Variants in TGFBR2 observed in about 807,000 individuals in gnomAD.
TGFBR2 encodes the protein TGF-beta receptor type-2.
A neutral mutation model predicts 49.0 loss-of-function variants in TGFBR2; 18 were observed. That is an observed-to-expected ratio of 0.37 (90% CI 0.25 to 0.54). The LOEUF (loss-of-function observed/expected upper bound fraction) is 0.54. TGFBR2 is among the 20% of genes least tolerant of loss of function. The probability of loss-of-function intolerance (pLI) is 0.85; values close to 1 mark genes in which losing one functional copy is unlikely to be tolerated. For synonymous variants in TGFBR2, 282 were observed against 275.9 expected (o/e 1.02, Z -0.22); for missense variants, 525 against 722.6 (o/e 0.73, Z 3.13).
intron 1 of TGFBR2, among the ~76,000 whole-genome samples, chr3:30,616,781 T>TA (rs1017148509): frequency 7.2e-5 from 11 of 152,100 alleles, no homozygotes; most frequent in Admixed American, 4.6e-4. Flanking sequence ...TGACTACTAT[T>TA]AAAAAAAGAG....
At chr3:30,624,170 GAGA>G (rs1053205697) in intron 1 of TGFBR2, among the ~76,000 whole-genome samples, 81 of 151,988 alleles carry the variant, frequency 5.3e-4, no homozygotes, top group African/African-American at 1.9e-3. Flanking sequence ...ACAAAATATA[GAGA>G]AGAACAGAAC....
At chr3:30,677,669 A>T (rs1294928816) in intron 5 of TGFBR2, among the ~76,000 whole-genome samples, 1 of 152,206 alleles carries the variant, frequency 6.6e-6, no homozygotes, top group African/African-American at 2.4e-5. Context: ...TTTCTTTTAC[A>T]TTCAAAAGGT....
At chr3:30,677,696 G>A (rs1209406929) in intron 5 of TGFBR2, among the ~76,000 whole-genome samples, 6 of 152,282 alleles carry the variant, frequency 3.9e-5, no homozygotes, top group African/African-American at 1.2e-4. Context: ...GAAAGTACAC[G>A]AAGCCTGAAG....
At chr3:30,625,311 G>A (rs915005732) in intron 1 of TGFBR2, among the ~76,000 whole-genome samples, 14 of 152,292 alleles carry the variant, frequency 9.2e-5, no homozygotes, top group South Asian at 6.2e-4. Context: ...CGTCTGTTTA[G>A]CATTGCAATT....
intron 5 of TGFBR2, among the ~76,000 whole-genome samples, chr3:30,686,066 T>C (rs1339941664): frequency 6.6e-6 from 1 of 152,226 alleles, no homozygotes; most frequent in Non-Finnish European, 1.5e-5. Context: ...GTTCAGTATA[T>C]TCATTTTATA....
intron 1 of TGFBR2, 136 bp downstream of exon 1, chr3:30,607,113 C>G: frequency 1.4e-6 from 1 of 689,720 alleles, no homozygotes; most frequent in African/African-American, 1.8e-5. Flanking sequence ...CCGCGACACT[C>G]ACGCAGCCCG....
intron 2 of TGFBR2, among the ~76,000 whole-genome samples, chr3:30,649,652 A>G (rs1575146186): frequency 6.6e-6 from 1 of 151,800 alleles, no homozygotes; most frequent in African/African-American, 2.4e-5. Context: ...TCCTTTCTGT[A>G]ATTTGGGAAA....
At chr3:30,680,090 A>T (rs925967768) in intron 5 of TGFBR2, among the ~76,000 whole-genome samples, 1 of 152,228 alleles carries the variant, frequency 6.6e-6, no homozygotes, top group African/African-American at 2.4e-5. Context: ...GTGCCACTGC[A>T]CTCTAGCCTG....
intron 3 of TGFBR2, among the ~76,000 whole-genome samples, chr3:30,652,423 C>T (rs1453820181): frequency 4.0e-5 from 6 of 151,736 alleles, no homozygotes; most frequent in African/African-American, 1.5e-4. Flanking sequence ...TTAGTAGAGA[C>T]GAGTTTCACC....
At chr3:30,616,546 T>C (rs188155002) in intron 1 of TGFBR2, among the ~76,000 whole-genome samples, 1 of 152,352 alleles carries the variant, frequency 6.6e-6, no homozygotes, top group East Asian at 1.9e-4. Context: ...CCACTGGGGC[T>C]CATTTTCCTT....
intron 5 of TGFBR2, among the ~76,000 whole-genome samples, chr3:30,682,603 A>G (rs1475818492): frequency 6.6e-6 from 1 of 152,234 alleles, no homozygotes; most frequent in Non-Finnish European, 1.5e-5. Flanking sequence ...TCTATTGCCA[A>G]CTATGCCCCA....
At chr3:30,612,720 G>A (rs1322306103) in intron 1 of TGFBR2, among the ~76,000 whole-genome samples, 3 of 117,280 alleles carry the variant, frequency 2.6e-5, no homozygotes, top group Non-Finnish European at 5.6e-5. Context: ...AATTTTGAGT[G>A]TGTAGGACAA....
At chr3:30,636,953 G>A (rs1028693883) in intron 1 of TGFBR2, among the ~76,000 whole-genome samples, 12 of 151,682 alleles carry the variant, frequency 7.9e-5, no homozygotes, top group African/African-American at 2.7e-4. Flanking sequence ...AGTCCCAGCT[G>A]CTCGGGAGGC....
intron 5 of TGFBR2, among the ~76,000 whole-genome samples, chr3:30,682,065 G>T (rs999683656): frequency 6.6e-6 from 1 of 152,198 alleles, no homozygotes; most frequent in African/African-American, 2.4e-5. Flanking sequence ...TTGCTGGAGG[G>T]CTGCTCCAGG....
chr3:30,655,887 G>A (rs1052513780), intron 3 of TGFBR2, among the ~76,000 whole-genome samples: 3 of 152,194 alleles, frequency 2.0e-5, no homozygotes, highest in Admixed American at 6.5e-5. Flanking sequence ...GGTATAAACC[G>A]TTGCTACTGA....
At chr3:30,689,080 A>G (rs1169322821) in intron 6 of TGFBR2, among the ~76,000 whole-genome samples, 1 of 152,208 alleles carries the variant, frequency 6.6e-6, no homozygotes. Context: ...AAAGCAAAGA[A>G]GAGGAGAATG....
intron 3 of TGFBR2, among the ~76,000 whole-genome samples, chr3:30,669,093 T>C (rs1306454266): frequency 8.3e-6 from 1 of 119,938 alleles, no homozygotes; most frequent in Non-Finnish European, 1.6e-5. Context: ...CTGGCCAACA[T>C]GGTGAAACCC....
chr3:30,609,855 G>A (rs1697997937), intron 1 of TGFBR2, among the ~76,000 whole-genome samples: 2 of 151,864 alleles, frequency 1.3e-5, no homozygotes. Flanking sequence ...CCACCTTTAG[G>A]CCACTCAACA....
chr3:30,607,249 G>C (rs1000696825), intron 1 of TGFBR2, among the ~76,000 whole-genome samples: 12 of 152,344 alleles, frequency 7.9e-5, no homozygotes, highest in African/African-American at 2.6e-4. Flanking sequence ...GGCCGCGTTC[G>C]AGGCGAGCCC....
Sources: allele counts gnomAD v4.1 joint callset (sites outside exome capture counted in the v4.1 genomes callset), GRCh38; gene constraint gnomAD v4.1.1; transcripts MANE v1.5; gene names NCBI Gene and HGNC (gene_info 2026-07-23, HGNC 2026-07-21).